Variants in CEBPZ observed in about 807,000 individuals in gnomAD.
CEBPZ encodes the protein CCAAT/enhancer-binding protein zeta.
A neutral mutation model predicts 104.5 loss-of-function variants in CEBPZ; 78 were observed. That is an observed-to-expected ratio of 0.75 (90% CI 0.62 to 0.90). The LOEUF is 0.90. Ranked by LOEUF, CEBPZ falls within the 40% of genes least tolerant of loss-of-function variation. The pLI, the probability that CEBPZ is intolerant of heterozygous loss-of-function variation, is 0.00. For missense variants in CEBPZ, 1,439 were observed against 1,233.5 expected (o/e 1.17, Z -2.50); for synonymous variants, 470 against 427.0 (o/e 1.10, Z -1.24).
chr2:37,231,047 C>T (rs1247387969), intron 1 of CEBPZ, among the ~76,000 whole-genome samples: 1 of 152,172 alleles, frequency 6.6e-6, no homozygotes, highest in South Asian at 2.1e-4. Context: ...CGTGCATGTA[C>T]TCTATGAGAA....
chr2:37,211,126 A>G, intron 12 of CEBPZ, 44 bp from the exon 13 acceptor site: 6 of 1,283,898 alleles, frequency 4.7e-6, no homozygotes, highest in Non-Finnish European at 6.7e-6. Flanking sequence ...TAAAAACAAT[A>G]AGACTGGAAA....
In CEBPZ at chr2:37,223,156, GT is replaced by G; in HGVS notation, c.1881+13del. 6.3e-7 allele frequency: 1 copy of G among 1,598,604 alleles called. No homozygotes were observed. The highest frequency in any genetic ancestry group is 8.6e-7 in the Non-Finnish European group (1 of 1,168,646). ...CAGCACCCACTCAATTTAAAAAGCAGTTGTAAAATATACCGGATGATCATCT... is the reference window on the plus strand; with the variant it reads ...CAGCACCCACTCAATTTAAAAAGCAGTGTAAAATATACCGGATGATCATCT... On this transcript the variant is annotated intron_variant, in intron 3 of 15. Coordinates refer to ENST00000234170, the MANE Select transcript of CEBPZ (RefSeq NM_005760.3).
intron 2 of CEBPZ, among the ~76,000 whole-genome samples, chr2:37,226,446 C>T (rs942821721): frequency 5.9e-5 from 9 of 152,214 alleles, no homozygotes; most frequent in African/African-American, 2.2e-4. Flanking sequence ...CATAACCTCC[C>T]AACCTTCATT....
At position 37,216,983 on chromosome 2, in the gene CEBPZ, C is replaced by A; in HGVS notation, c.2208+1G>T. On this transcript the variant is annotated splice_donor_variant, in intron 6 of 15. Transcript: ENST00000234170. LOFTEE classifies it high-confidence loss of function. The stretch of plus-strand genomic sequence containing the variant: ...CATCTTTGGATTTATTTTAGACTCA[C>A]CTGAAGGATGGTCTTTGCAAAAAGG... The A allele has an allele frequency of 6.2e-7, 1 of 1,610,372 alleles. No individual in the cohort carries two copies. The highest frequency in any genetic ancestry group is 8.5e-7 in the Non-Finnish European group (1 of 1,176,936).
chr2:37,224,711 T>G (rs1054706861), intron 2 of CEBPZ, among the ~76,000 whole-genome samples: 11 of 152,210 alleles, frequency 7.2e-5, no homozygotes, highest in African/African-American at 2.7e-4. Flanking sequence ...TTCCTAATGT[T>G]TTGATAAATA....
At chr2:37,229,156 T>C in intron 1 of CEBPZ, 120 bp from the exon 2 acceptor site, 1 of 954,614 alleles carries the variant, frequency 1.0e-6, no homozygotes, top group Non-Finnish European at 1.4e-6. Context: ...CTTTCAAATT[T>C]GACATAAAAC....
At position 37,202,867 on chromosome 2, in the gene CEBPZ, T is replaced by A; in HGVS notation, c.2944-2A>T. On this transcript the variant is annotated splice_acceptor_variant, in intron 14 of 15. Coordinates refer to ENST00000234170, the MANE Select transcript of CEBPZ (RefSeq NM_005760.3). LOFTEE classifies it high-confidence loss of function. ...ATTTTCATCCAATAGATGGCCAAAC[T>A]TTTAAACAAAAACGATAAATTTATT... The A allele has an allele frequency of 6.3e-7, 1 of 1,597,974 alleles. No individual in the cohort carries two copies. Among genetic ancestry groups the A allele is most frequent in the Non-Finnish European group, 8.5e-7 (1 of 1,172,928 alleles).
At chr2:37,227,477 G>GTT (rs1664915355) in intron 2 of CEBPZ, 67 bp downstream of exon 2, 1 of 1,462,362 alleles carries the variant, frequency 6.8e-7, no homozygotes, top group Admixed American at 2.4e-5. Flanking sequence ...CCCACAGAGG[G>GTT]CACTGCTTGT....
At chr2:37,224,257 A>T (rs1664831783) in intron 2 of CEBPZ, among the ~76,000 whole-genome samples, 1 of 152,128 alleles carries the variant, frequency 6.6e-6, no homozygotes, top group South Asian at 2.1e-4. Context: ...CTTTGATCTC[A>T]TGATACTTTA....
chr2:37,214,929 T>C lies in CEBPZ; in HGVS notation c.2404A>G (p.Lys802Glu), dbSNP rs1677832115. Residue 802 changes from lysine (K) to glutamate (E), a missense_variant, in exon 9 of 16, where the codon AAA becomes GAA. Physicochemically the swap from Lys to Glu is moderately conservative, Grantham distance 56. Coordinates refer to ENST00000234170, the MANE Select transcript of CEBPZ (RefSeq NM_005760.3). ...TCCACTGGTATTTGGCTTTCTTCTT[T>C]TGCAAGGAACTCCTTACTGTTCACT... The part of the protein sequence containing the change: ...LPVNSKEFLA[K>E]EESQIPVDEV... The C allele has an allele frequency of 6.2e-7, 1 of 1,609,744 alleles. No individual in the cohort carries two copies. Among genetic ancestry groups the C allele is most frequent in the Non-Finnish European group, 8.5e-7 (1 of 1,176,394 alleles).
intron 5 of CEBPZ, 30 bp downstream of exon 5, chr2:37,220,355 T>C (rs1374193890): frequency 1.1e-5 from 12 of 1,051,674 alleles, no homozygotes; most frequent in Non-Finnish European, 1.4e-5. Context: ...ATAGCATAAA[T>C]GAATAAAAGA....
At chr2:37,211,179 G>T in intron 12 of CEBPZ, 97 bp from the exon 13 acceptor site, 1 of 736,602 alleles carries the variant, frequency 1.4e-6, no homozygotes, top group Non-Finnish European at 2.2e-6. Context: ...CTGATGGTAA[G>T]GCACTATACT....
chr2:37,220,044 C>T (rs374302966), intron 5 of CEBPZ, among the ~76,000 whole-genome samples: 4 of 152,254 alleles, frequency 2.6e-5, no homozygotes, highest in East Asian at 3.9e-4. Flanking sequence ...ATAGGCCGGG[C>T]GCAGTGGCTC....
At chr2:37,205,757 T>G (rs554954433) in intron 13 of CEBPZ, among the ~76,000 whole-genome samples, 32 of 152,356 alleles carry the variant, frequency 2.1e-4, no homozygotes, top group Middle Eastern at 3.4e-3. Flanking sequence ...TTCTACATTT[T>G]TATCAAAAAT....
At position 37,202,950 on chromosome 2, in the gene CEBPZ, C is replaced by G. The variant is rs1243405629; in HGVS notation, c.2943G>C (p.Glu981Asp). 2 of 1,586,154 alleles carry G rather than the reference C, an allele frequency of 1.3e-6. No individual in the cohort carries two copies. Among genetic ancestry groups the G allele is most frequent in the Non-Finnish European group, 8.6e-7 (1 of 1,167,914 alleles). ...TGTTAAAACAGTACATTAGCCTTAC[C>G]TCTTCAGCAGATACAAATAGGCTGG... ...NDSSLFVSAE[E>D]FGHLLDENMG... is the part of the protein sequence containing the mutation. Residue 981 changes from glutamate to aspartate, a missense_variant and splice_region_variant, in exon 14 of 16, where the codon GAG becomes GAC. Glu to Asp is a conservative substitution (Grantham distance 45, BLOSUM62 2). Coordinates refer to ENST00000234170, the MANE Select transcript of CEBPZ (RefSeq NM_005760.3).
chr2:37,211,737 T>C (rs977381884), intron 12 of CEBPZ, 106 bp downstream of exon 12: 1 of 770,092 alleles, frequency 1.3e-6, no homozygotes, highest in Non-Finnish European at 2.0e-6. Flanking sequence ...GACATGAGTA[T>C]TAATTTGAAT....
rs553385241 is a variant in CEBPZ at position 37,217,272 on chromosome 2, G to A, written c.2155-235C>T. On this transcript the variant is annotated intron_variant, in intron 5 of 15. Transcript: ENST00000234170. ...ATAGTCAGGGTGTGATGGTGCGCGC[G>A]TGCCTGTACTCCCAGCTACTCAGGA... 1.6e-4 allele frequency among the ~76,000 whole-genome samples: 24 copies of A among 152,052 alleles called. No homozygotes were observed. The East Asian group carries it at 3.5e-3, about 22-fold the overall frequency.
rs776690290 is a variant in CEBPZ, at chr2:37,212,041, T to C, written c.2604-2A>G. The C allele has an allele frequency of 2.5e-6, 4 of 1,574,140 alleles. No individual in the cohort carries two copies. Among genetic ancestry groups the C allele is most frequent in the Non-Finnish European group, 3.4e-6 (4 of 1,166,252 alleles). On this transcript the variant is annotated splice_acceptor_variant, in intron 11 of 15. Transcript: ENST00000234170. LOFTEE classifies it high-confidence loss of function. ...CCTTTTGTTCTCTTTTTCACGTTTCTGGAAAAAAACACAACTTGTAATACA... is the reference window on the plus strand; with the variant it reads ...CCTTTTGTTCTCTTTTTCACGTTTCCGGAAAAAAACACAACTTGTAATACA...
intron 13 of CEBPZ, among the ~76,000 whole-genome samples, chr2:37,205,850 T>G (rs1367427446): frequency 1.3e-5 from 2 of 152,190 alleles, no homozygotes; most frequent in African/African-American, 2.4e-5. Flanking sequence ...TGTAAGATAA[T>G]ACTTTTAAAA....
Sources: allele counts gnomAD v4.1 joint callset (sites outside exome capture counted in the v4.1 genomes callset), GRCh38; gene constraint gnomAD v4.1.1; transcripts MANE v1.5; gene names NCBI Gene and HGNC (gene_info 2026-07-23, HGNC 2026-07-21).